Variants in MYO5B observed in about 807,000 individuals in gnomAD.
MYO5B encodes unconventional myosin-Vb.
Under a neutral mutation model 229.3 loss-of-function variants are expected in MYO5B, and 143 were observed. The ratio of observed to expected loss-of-function variants is 0.62; its 90% CI spans 0.54 to 0.72. The LOEUF (loss-of-function observed/expected upper bound fraction) is 0.72. MYO5B is among the 30% of genes least tolerant of loss of function. MYO5B has a pLI of 0.00. For missense variants in MYO5B, 2,321 were observed against 2,331.0 expected (o/e 1.00, Z 0.09); for synonymous variants, 918 against 885.2 (o/e 1.04, Z -0.66).
intron 17 of MYO5B, among the ~76,000 whole-genome samples, chr18:49,920,016 G>A (rs1257155597): frequency 6.6e-6 from 1 of 152,188 alleles, no homozygotes. Flanking sequence ...TGCTGCGCAT[G>A]GATACATCTT....
chr18:49,870,387 T>TTCTTAAACATGACA (rs1240167773), intron 27 of MYO5B, among the ~76,000 whole-genome samples: 3 of 152,218 alleles, frequency 2.0e-5, no homozygotes, highest in African/African-American at 7.2e-5. Flanking sequence ...ATTTGATGAT[T>TTCTTAAACATGACA]TCTTAAACAT....
At chr18:49,958,786 C>G (rs902872578) in intron 12 of MYO5B, among the ~76,000 whole-genome samples, 13 of 152,216 alleles carry the variant, frequency 8.5e-5, no homozygotes, top group Admixed American at 8.5e-4. Context: ...AAGGGACTCA[C>G]GGAGGCCCTC....
Position 50,156,159 on chromosome 18 carries a change from A to G in MYO5B, c.27+38608T>C, listed in dbSNP as rs75085360. On this transcript the variant is annotated intron_variant, in intron 1 of 39. Coordinates refer to ENST00000285039, the MANE Select transcript of MYO5B (RefSeq NM_001080467.3). ...CAAGCAATATGGATTAAAAGAAAAT[A>G]CATTCATATTTAAAATCAACTTCTA... is the stretch of plus-strand genomic sequence containing the variant. 3.8e-3 allele frequency among the ~76,000 whole-genome samples: 574 copies of G among 152,368 alleles called. 1 individual carries two copies. Among genetic ancestry groups the G allele is most frequent in the African/African-American group, 0.012 (505 of 41,586 alleles).
Position 49,823,515 on chromosome 18 carries a change from C to G in MYO5B, c.*2956G>C, listed in dbSNP as rs1167522718. The G allele has an allele frequency of 6.6e-6, 1 of 152,262 alleles. No homozygotes were observed. 9.4% of individuals were successfully genotyped at this position (152,262 alleles called of 1,614,324 possible). A position where few individuals can be genotyped will look rare whatever the true frequency, so the allele number is the denominator to read the frequency against. On this transcript the variant is annotated 3_prime_UTR_variant, in exon 40 of 40. Transcript: ENST00000285039. ...ACTGGAATCTTAATGTATGAAAGCTCTAAGTAAATATTTGATGAATTGATG... is the reference window on the plus strand; with the variant it reads ...ACTGGAATCTTAATGTATGAAAGCTGTAAGTAAATATTTGATGAATTGATG...
At chr18:50,166,283 C>T (rs941831753) in intron 1 of MYO5B, among the ~76,000 whole-genome samples, 7 of 152,188 alleles carry the variant, frequency 4.6e-5, no homozygotes, top group African/African-American at 7.2e-5. Flanking sequence ...AACCTTGTCC[C>T]CAGATTCTAT....
chr18:49,992,744 C>T (rs1217737404), intron 5 of MYO5B, among the ~76,000 whole-genome samples: 1 of 152,136 alleles, frequency 6.6e-6, no homozygotes, highest in Non-Finnish European at 1.5e-5. Context: ...CTGGAATGCA[C>T]CTGTGATGGT....
At chr18:49,902,454 T>G in intron 21 of MYO5B, 140 bp downstream of exon 21, 1 of 1,134,520 alleles carries the variant, frequency 8.8e-7, no homozygotes, top group South Asian at 1.3e-5. Flanking sequence ...CTGCCACAGT[T>G]AGTATCTGCT....
intron 1 of MYO5B, among the ~76,000 whole-genome samples, chr18:50,136,816 T>C (rs1299542158): frequency 6.6e-6 from 1 of 152,188 alleles, no homozygotes; most frequent in Non-Finnish European, 1.5e-5. Flanking sequence ...AAGAAAACGA[T>C]GGTGTCAGAC....
chr18:50,152,303 G>A (rs1291039343), intron 1 of MYO5B, among the ~76,000 whole-genome samples: 1 of 152,178 alleles, frequency 6.6e-6, no homozygotes, highest in East Asian at 1.9e-4. Context: ...TAGGTGTTTA[G>A]GGGCTTAACC....
At chr18:49,991,248 T>TA (rs2025929129) in intron 6 of MYO5B, among the ~76,000 whole-genome samples, 1 of 152,146 alleles carries the variant, frequency 6.6e-6, no homozygotes, top group African/African-American at 2.4e-5. Flanking sequence ...GGGAGCTGGT[T>TA]AAAAAATTCA....
rs2032922871 is a variant in MYO5B at position 50,171,768 on chromosome 18, G to A, written c.27+22999C>T. On this transcript the variant is annotated intron_variant, in intron 1 of 39. Transcript: ENST00000285039. ...ATGGAGTTGTGGATGATCCCAGACA[G>A]GCAACCATAAATGGTTATTGTTTAG... Among the ~76,000 whole-genome samples, 2 of 127,262 alleles carry A rather than the reference G, an allele frequency of 1.6e-5. 1 individual carries two copies. The highest frequency in any genetic ancestry group is 5.5e-4 in the South Asian group (2 of 3,662). 83.5% of individuals were successfully genotyped at this position (127,262 alleles called of 152,430 possible).
At chr18:49,923,043 G>A (rs2025091787) in intron 17 of MYO5B, among the ~76,000 whole-genome samples, 2 of 152,140 alleles carry the variant, frequency 1.3e-5, no homozygotes, top group South Asian at 2.1e-4. Flanking sequence ...AATCACACCT[G>A]GTCTCTCAGC....
intron 1 of MYO5B, among the ~76,000 whole-genome samples, chr18:50,074,928 C>G (rs887810976): frequency 6.6e-6 from 1 of 152,102 alleles, no homozygotes; most frequent in African/African-American, 2.4e-5. Flanking sequence ...TCAAGTGATT[C>G]TCCTGCCTCA....
chr18:49,914,398 T>C lies in MYO5B; in HGVS notation c.2091-2225A>G, dbSNP rs115242806. On this transcript the variant is annotated intron_variant, in intron 17 of 39. Coordinates refer to ENST00000285039, the MANE Select transcript of MYO5B (RefSeq NM_001080467.3). ...AGGTAAACTCACTCATTTCGAGATA[T>C]TAAAAGAGAGTAAGTGGATTGTATC... Among the ~76,000 whole-genome samples, 461 of 152,258 alleles carry C rather than the reference T, an allele frequency of 3.0e-3. 5 individuals carry two copies. The highest frequency in any genetic ancestry group is 9.5e-3 in the African/African-American group (395 of 41,546).
At chr18:50,018,791 G>GA (rs1239058865) in intron 4 of MYO5B, among the ~76,000 whole-genome samples, 3 of 152,190 alleles carry the variant, frequency 2.0e-5, no homozygotes, top group Non-Finnish European at 4.4e-5. Context: ...CACGGTTTTA[G>GA]TGGGCAGCCA....
chr18:49,840,742 G>A (rs1173422483), intron 35 of MYO5B, among the ~76,000 whole-genome samples: 2 of 152,202 alleles, frequency 1.3e-5, no homozygotes, highest in African/African-American at 4.8e-5. Context: ...AGTTCTTTCA[G>A]GGACCAAAGC....
chr18:50,164,984 G>A (rs1020841943), intron 1 of MYO5B, among the ~76,000 whole-genome samples: 36 of 152,198 alleles, frequency 2.4e-4, no homozygotes, highest in African/African-American at 8.7e-4. Flanking sequence ...CTTCTTTCTG[G>A]AGGAGTTCGC....
intron 5 of MYO5B, among the ~76,000 whole-genome samples, chr18:49,993,167 A>T (rs1460941574): frequency 6.6e-6 from 1 of 152,148 alleles, no homozygotes; most frequent in East Asian, 1.9e-4. Flanking sequence ...GCATTGGTAA[A>T]GAATACATTA....
At chr18:49,848,136 T>C (rs907808014) in intron 32 of MYO5B, among the ~76,000 whole-genome samples, 1 of 152,222 alleles carries the variant, frequency 6.6e-6, no homozygotes, top group Admixed American at 6.5e-5. Context: ...AATGGCATGC[T>C]TAATCTGTCC....
Sources: allele counts gnomAD v4.1 joint callset (sites outside exome capture counted in the v4.1 genomes callset), GRCh38; gene constraint gnomAD v4.1.1; transcripts MANE v1.5; gene names NCBI Gene and HGNC (gene_info 2026-07-23, HGNC 2026-07-21).